The following NPIPB8 variants were observed in gnomAD, a reference collection of about 807,000 sequenced individuals.
NPIPB8 encodes nuclear pore complex-interacting protein family member B8.
Under a neutral mutation model 5.3 loss-of-function variants are expected in NPIPB8, and 3 were observed. That is an observed-to-expected ratio of 0.57 (90% CI 0.26 to 1.47). The LOEUF (loss-of-function observed/expected upper bound fraction) is 1.47. Ranked by LOEUF, NPIPB8 falls within the 40% of genes most tolerant of loss-of-function variation. NPIPB8 has a pLI of 0.13. For synonymous variants in NPIPB8, 18 were observed against 23.0 expected, an observed-to-expected ratio of 0.78 and a Z score of 0.62; for missense variants, 50 against 50.2, an observed-to-expected ratio of 1.00 and a Z score of 0.01.
At chr16:28,640,059 G>A (rs550436594) in intron 2 of NPIPB8, among the ~76,000 whole-genome samples, 18 of 151,616 alleles carry the variant, frequency 1.2e-4, no homozygotes, top group Non-Finnish European at 2.4e-4. Context: ...TCATTTTACA[G>A]AGTTGAAACT....
chr16:28,642,554 G>T (rs1023620480), intron 2 of NPIPB8, among the ~76,000 whole-genome samples: 1 of 150,882 alleles, frequency 6.6e-6, no homozygotes, highest in Non-Finnish European at 1.5e-5. Flanking sequence ...GTGCAATCTC[G>T]GCTCACTGCA....
chr16:28,639,424 CACAG>C (rs2047852277), intron 2 of NPIPB8, among the ~76,000 whole-genome samples: 2 of 140,664 alleles, frequency 1.4e-5, no homozygotes, highest in Non-Finnish European at 3.0e-5. Context: ...CAGACACACA[CACAG>C]ACACACACAC....
intron 2 of NPIPB8, among the ~76,000 whole-genome samples, chr16:28,639,756 G>C (rs1159779680): frequency 1.3e-5 from 2 of 150,672 alleles, no homozygotes; most frequent in Non-Finnish European, 3.0e-5. Flanking sequence ...CCCCGTCCAA[G>C]ATAAAATTAT....
At chr16:28,642,188 C>A (rs1452280262) in intron 2 of NPIPB8, among the ~76,000 whole-genome samples, 2 of 151,588 alleles carry the variant, frequency 1.3e-5, no homozygotes, top group Non-Finnish European at 2.9e-5. Context: ...TCACTGCAAC[C>A]TCCGCCTCCC....
At chr16:28,653,072 ATT>A (rs573542449) in intron 5 of NPIPB8, among the ~76,000 whole-genome samples, 7 of 72,688 alleles carry the variant, frequency 9.6e-5, no homozygotes, top group Non-Finnish European at 1.1e-4. Context: ...CATTCGGCCA[ATT>A]TTTTTTTTTT....
At chr16:28,638,989 G>C (rs2047842778) in intron 2 of NPIPB8, among the ~76,000 whole-genome samples, 1 of 149,866 alleles carries the variant, frequency 6.7e-6, no homozygotes, top group Admixed American at 6.7e-5. Flanking sequence ...GAATTGCTTA[G>C]ATTCAGGAGG....
intron 2 of NPIPB8, chr16:28,644,789 G>A (rs1395458073): frequency 1.5e-5 from 6 of 410,890 alleles, no homozygotes; most frequent in South Asian, 1.9e-5. Context: ...GAGTCCAGGA[G>A]TTGAAGACTA....
At chr16:28,644,454 C>G in intron 2 of NPIPB8, 1 of 15,602 alleles carries the variant, frequency 6.4e-5, no homozygotes, top group Non-Finnish European at 1.3e-4. Flanking sequence ...CCCCCTCCCC[C>G]TCCCCTCCCC....
chr16:28,642,949 C>T (rs566967428), intron 2 of NPIPB8, among the ~76,000 whole-genome samples: 289 of 152,258 alleles, frequency 1.9e-3, no homozygotes, highest in Non-Finnish European at 3.2e-3. Context: ...TGCCAGAGGC[C>T]TGAGAGAGTT....
intron 2 of NPIPB8, among the ~76,000 whole-genome samples, chr16:28,644,379 T>G (rs1426936382): frequency 1.1e-5 from 1 of 89,072 alleles, no homozygotes; most frequent in African/African-American, 5.0e-5. Context: ...CTCCTCCAGG[T>G]GCCCAACAGC....
intron 3 of NPIPB8, among the ~76,000 whole-genome samples, chr16:28,651,626 G>A (rs2048044634): frequency 1.2e-5 from 1 of 80,312 alleles, no homozygotes; most frequent in Admixed American, 1.2e-4. Flanking sequence ...GTGTGTGTGT[G>A]TGTGTGTGTG....
chr16:28,652,880 G>T (rs2048066492), intron 5 of NPIPB8, among the ~76,000 whole-genome samples: 1 of 135,026 alleles, frequency 7.4e-6, no homozygotes, highest in Non-Finnish European at 1.6e-5. Context: ...GGGATTAGAG[G>T]TGTGAGCCAC....
rs1275411803 is a variant in NPIPB8, at chr16:28,638,547, A to G, written c.120+67A>G. ...AGTTCCCGGGTCTCAGCTGCCACAC[A>G]TCTCATAGCGGGTGATGCTGGGGGA... On this transcript the variant is annotated intron_variant, in intron 2 of 7. Transcript: ENST00000683297. 9 of 1,477,004 alleles carry G rather than the reference A, an allele frequency of 6.1e-6. No individual in the cohort carries two copies. In the Admixed American group the frequency reaches 1.6e-4, roughly 27 times the overall value. The allele number at this position is 1,477,004 out of a possible 1,614,324, so 91.5% of individuals were successfully genotyped here.
chr16:28,640,043 G>A (rs1348879168), intron 2 of NPIPB8, among the ~76,000 whole-genome samples: 1 of 151,396 alleles, frequency 6.6e-6, no homozygotes, highest in Non-Finnish European at 1.5e-5. Context: ...AGATGGTATA[G>A]CCACCTCATT....
chr16:28,640,210 C>T (rs1002640556), intron 2 of NPIPB8, among the ~76,000 whole-genome samples: 184 of 152,112 alleles, frequency 1.2e-3, no homozygotes, highest in Non-Finnish European at 1.6e-3. Flanking sequence ...GTAGATGGTG[C>T]ATGCCTGCTA....
At chr16:28,643,075 C>T (rs369184891) in intron 2 of NPIPB8, among the ~76,000 whole-genome samples, 1 of 151,648 alleles carries the variant, frequency 6.6e-6, no homozygotes, top group Non-Finnish European at 1.5e-5. Context: ...CTGGGTCCTG[C>T]CCACCTGCTT....
intron 5 of NPIPB8, among the ~76,000 whole-genome samples, chr16:28,652,933 G>T (rs1596688916): frequency 8.1e-6 from 1 of 123,026 alleles, no homozygotes; most frequent in African/African-American, 3.3e-5. Context: ...TTTTGAGATA[G>T]AATCTCGCTC....
chr16:28,644,520 C>T, intron 2 of NPIPB8: 1 of 1,263,326 alleles, frequency 7.9e-7, no homozygotes, highest in East Asian at 4.2e-5. Flanking sequence ...CGTCCCCTTC[C>T]CTCCCCCCTG....
intron 2 of NPIPB8, among the ~76,000 whole-genome samples, chr16:28,645,287 C>T (rs2047983351): frequency 2.0e-5 from 2 of 98,484 alleles, no homozygotes; most frequent in Non-Finnish European, 4.4e-5. Flanking sequence ...CCTCGGCCTC[C>T]CAGTGCTGGG....
Sources: allele counts gnomAD v4.1 joint callset (sites outside exome capture counted in the v4.1 genomes callset), GRCh38; gene constraint gnomAD v4.1.1; transcripts MANE v1.5; gene names NCBI Gene and HGNC (gene_info 2026-07-23, HGNC 2026-07-21).